Variants in GNB4 observed in about 807,000 individuals in gnomAD.
The protein encoded by GNB4 is guanine nucleotide-binding protein subunit beta-4.
In GNB4, 28 loss-of-function variants were observed where a neutral mutation model predicts 45.2. The ratio of observed to expected loss-of-function variants is 0.62; its 90% CI spans 0.46 to 0.85. The LOEUF is 0.85. GNB4 is among the 40% of genes least tolerant of loss of function. The pLI, the probability that GNB4 is intolerant of heterozygous loss-of-function variation, is 0.00. For synonymous variants in GNB4, 132 were observed against 143.7 expected (o/e 0.92, Z 0.58); for missense variants, 321 against 425.4 (o/e 0.75, Z 2.16).
At chr3:179,493,525 CAAAA>C in the GNB4 span, among the ~76,000 whole-genome samples, 1 of 117,538 alleles carries the variant, frequency 8.5e-6, no homozygotes, top group African/African-American at 3.4e-5. Context: ...TATCCAGTCT[CAAAA>C]AAAAAAAAAA....
intron 8 of GNB4, among the ~76,000 whole-genome samples, chr3:179,406,643 T>TGC: frequency 6.6e-6 from 1 of 152,200 alleles, no homozygotes; most frequent in Non-Finnish European, 1.5e-5. Context: ...GACAGAGTCT[T>TGC]GCTCTGTCAC....
Position 179,399,537 on chromosome 3 carries a change from T to C in GNB4, c.*1676A>G, listed in dbSNP as rs1246032568. ...ATAGAAATCTTAATCAAAATATAAA[T>C]ATACATTCATAACTGCCATCTACAA... On this transcript the variant is annotated 3_prime_UTR_variant, in exon 10 of 10. Transcript: ENST00000232564. The C allele has an allele frequency of 6.6e-6, 1 of 152,206 alleles. No individual in the cohort carries two copies. The highest frequency in any genetic ancestry group is 2.4e-5 in the African/African-American group (1 of 41,464). 9.4% of individuals were successfully genotyped at this position (152,206 alleles called of 1,614,324 possible).
intron 9 of GNB4, among the ~76,000 whole-genome samples, chr3:179,404,617 G>A (rs936939494): frequency 1.9e-4 from 29 of 152,166 alleles, no homozygotes; most frequent in African/African-American, 7.0e-4. Flanking sequence ...TGGGGATGAA[G>A]CAACTGCTGT....
chr3:179,516,149 G>A, the GNB4 span, among the ~76,000 whole-genome samples: 1 of 152,112 alleles, frequency 6.6e-6, no homozygotes, highest in Non-Finnish European at 1.5e-5. Flanking sequence ...TTTTAAGTTG[G>A]AGGCTGCCTG....
At chr3:179,487,343 A>G in the GNB4 span, among the ~76,000 whole-genome samples, 12 of 152,192 alleles carry the variant, frequency 7.9e-5, no homozygotes, top group East Asian at 1.9e-4. Context: ...TAAGCCCCCA[A>G]AATTGAATGT....
chr3:179,401,387 A>AGCGCCCCTCTCCGCGACTTTTTTTT, intron 9 of GNB4, 68 bp from the exon 10 acceptor site: 1 of 851,232 alleles, frequency 1.2e-6, no homozygotes, highest in Admixed American at 2.5e-5. Flanking sequence ...ATATGCAGAG[A>AGCGCCCCTCTCCGCGACTTTTTTTT]TTTAAAAGGG....
chr3:179,450,175 T>TG lies in GNB4; in HGVS notation c.-43+1170dup, dbSNP rs1202611383. Among the ~76,000 whole-genome samples, 63 of 152,360 alleles carry TG rather than the reference T, an allele frequency of 4.1e-4. 1 individual carries two copies. Among genetic ancestry groups the TG allele is most frequent in the African/African-American group, 1.4e-3 (59 of 41,580 alleles). ...AAATGCAACATGGAAAATCTTAAAATGTCTTTAAGCCACATACTGAAATAT... is the reference window on the plus strand; with the variant it reads ...AAATGCAACATGGAAAATCTTAAAATGGTCTTTAAGCCACATACTGAAATAT... On this transcript the variant is annotated intron_variant, in intron 1 of 9. Coordinates refer to ENST00000232564, the MANE Select transcript of GNB4 (RefSeq NM_021629.4).
chr3:179,456,207 C>T (rs1715975916), upstream of GNB4, among the ~76,000 whole-genome samples: 3 of 150,868 alleles, frequency 2.0e-5, no homozygotes, highest in East Asian at 3.9e-4. Flanking sequence ...AGGTGATTCT[C>T]GAGCCTCCTG....
At chr3:179,516,501 G>C in the GNB4 span, among the ~76,000 whole-genome samples, 2 of 152,292 alleles carry the variant, frequency 1.3e-5, no homozygotes, top group East Asian at 3.9e-4. Flanking sequence ...AAATCCCCAA[G>C]CTTGATGTGT....
rs1405461610 is a variant in GNB4 at position 179,397,067 on chromosome 3, A to G, written c.*4146T>C. On this transcript the variant is annotated 3_prime_UTR_variant, in exon 10 of 10. Coordinates refer to ENST00000232564, the MANE Select transcript of GNB4 (RefSeq NM_021629.4). ...AGGAAAGAATTTGAACATAATATTT[A>G]ATTTTTAAAAAAATTCAGCCTGACT... 6.6e-6 allele frequency: 1 copy of G among 152,236 alleles called. No individual in the cohort carries two copies. The highest frequency in any genetic ancestry group is 1.5e-5 in the Non-Finnish European group (1 of 68,030). The allele number at this position is 152,236 out of a possible 1,614,324, so 9.4% of individuals were successfully genotyped here.
chr3:179,527,526 T>G, the GNB4 span, among the ~76,000 whole-genome samples: 1 of 152,210 alleles, frequency 6.6e-6, no homozygotes, highest in Non-Finnish European at 1.5e-5. Context: ...CCATTTAATT[T>G]TCAAGAATCC....
the GNB4 span, among the ~76,000 whole-genome samples, chr3:179,499,155 CTTTTTTTTTTTTTTT>C: frequency 9.9e-5 from 11 of 111,510 alleles, no homozygotes; most frequent in Non-Finnish European, 1.6e-4. Flanking sequence ...GCCACATTTT[CTTTTTTTTTTTTTTT>C]TTTTTGAGAC....
chr3:179,495,589 G>A, the GNB4 span, among the ~76,000 whole-genome samples: 1 of 150,828 alleles, frequency 6.6e-6, no homozygotes. Flanking sequence ...AAAGGAAGCA[G>A]GGAGTCAGGG....
chr3:179,420,612 A>G lies in GNB4; in HGVS notation c.96+277T>C, dbSNP rs556068567. On this transcript the variant is annotated intron_variant, in intron 3 of 9. Coordinates refer to ENST00000232564, the MANE Select transcript of GNB4 (RefSeq NM_021629.4). Reference sequence around the variant, plus strand: ...CGACTAGCTGGGATTATGCCCAGCTAATTTTTTTTATTTTTAGTAGAGATG... The same window carrying G: ...CGACTAGCTGGGATTATGCCCAGCTGATTTTTTTTATTTTTAGTAGAGATG... Among the ~76,000 whole-genome samples the G allele has an allele frequency of 3.3e-5, 5 of 151,884 alleles. No homozygotes were observed. The South Asian group carries it at 6.2e-4, about 19-fold the overall frequency.
the GNB4 span, among the ~76,000 whole-genome samples, chr3:179,474,681 G>A: frequency 6.8e-6 from 1 of 146,508 alleles, no homozygotes; most frequent in Non-Finnish European, 1.5e-5. Context: ...GAGTCATGTT[G>A]CCCACAGCTG....
rs970877807 is a variant in GNB4 at position 179,400,031 on chromosome 3, CACTT to C, written c.*1178_*1181del. 1.4e-4 allele frequency: 21 copies of C among 152,326 alleles called. No individual in the cohort carries two copies. The South Asian group carries it at 2.3e-3, about 17-fold the overall frequency. The allele number at this position is 152,326 out of a possible 1,614,324, so 9.4% of individuals were successfully genotyped here. A position where few individuals can be genotyped will look rare whatever the true frequency, so the allele number is the denominator to read the frequency against. On this transcript the variant is annotated 3_prime_UTR_variant, in exon 10 of 10. Transcript: ENST00000232564. ...TTTTTATTTTGGCTTTAAGTGGAAT[CACTT>C]ACATCTAGACATCCTTTGAAGCAAA...
At chr3:179,526,262 G>T in the GNB4 span, among the ~76,000 whole-genome samples, 12 of 152,172 alleles carry the variant, frequency 7.9e-5, no homozygotes, top group Non-Finnish European at 1.8e-4. Context: ...CTTCTTTTGT[G>T]ATTCTTCACT....
the GNB4 span, among the ~76,000 whole-genome samples, chr3:179,490,418 G>C: frequency 1.3e-5 from 2 of 152,268 alleles, no homozygotes; most frequent in South Asian, 2.1e-4. Context: ...TAGGTACGTA[G>C]GTAGGTAGAT....
chr3:179,468,980 C>T, the GNB4 span, among the ~76,000 whole-genome samples: 1 of 152,138 alleles, frequency 6.6e-6, no homozygotes, highest in African/African-American at 2.4e-5. Flanking sequence ...TCCACAGCAC[C>T]TTATCTTAAC....
Sources: gnomAD v4.1 joint callset for allele counts (sites outside exome capture counted in the v4.1 genomes callset) on GRCh38, gnomAD v4.1.1 for gene constraint, MANE v1.5 for transcripts, NCBI Gene and HGNC (gene_info 2026-07-23, HGNC 2026-07-21) for gene names.